ZNF653: variants seen among roughly 807,000 people sequenced by gnomAD.
The protein encoded by ZNF653 is 67 kDa zinc finger protein.
A neutral mutation model predicts 59.9 loss-of-function variants in ZNF653; 37 were observed. That is an observed-to-expected ratio of 0.62 (90% CI 0.48 to 0.81). ZNF653 has a LOEUF of 0.81. ZNF653 is among the 40% of genes least tolerant of loss of function. The pLI, the probability that ZNF653 is intolerant of heterozygous loss-of-function variation, is 0.00. For synonymous variants in ZNF653, 435 were observed against 371.8 expected (o/e 1.17, Z -1.96); for missense variants, 808 against 881.1 (o/e 0.92, Z 1.05).
At chr19:11,500,320 C>A (rs1405204610) in intron 1 of ZNF653, among the ~76,000 whole-genome samples, 1 of 152,134 alleles carries the variant, frequency 6.6e-6, no homozygotes, top group Admixed American at 6.6e-5. Flanking sequence ...CTGCAAAGCA[C>A]CACACTGGCT....
At chr19:11,491,277 A>G (rs1249241089) in intron 3 of ZNF653, among the ~76,000 whole-genome samples, 1 of 152,162 alleles carries the variant, frequency 6.6e-6, no homozygotes, top group African/African-American at 2.4e-5. Context: ...AGCCAATGGA[A>G]TGCAAGTGGA....
chr19:11,504,202 C>T (rs1971679377), intron 1 of ZNF653, among the ~76,000 whole-genome samples: 1 of 152,070 alleles, frequency 6.6e-6, no homozygotes, highest in African/African-American at 2.4e-5. Flanking sequence ...GAGATCGAGG[C>T]CATCCTGGCT....
intron 1 of ZNF653, among the ~76,000 whole-genome samples, chr19:11,503,289 A>T (rs1479741683): frequency 2.0e-5 from 3 of 152,178 alleles, no homozygotes; most frequent in African/African-American, 7.2e-5. Flanking sequence ...GTCCTGCCTC[A>T]GGACCTTTGC....
At position 11,495,982 on chromosome 19, in the gene ZNF653, G is replaced by C. The variant is rs377621177; in HGVS notation, c.527C>G (p.Pro176Arg). The change falls in exon 3 of 9, where the codon CCC (proline) becomes CGC (arginine). Residue 176 changes from proline (P) to arginine (R), a missense_variant. By Grantham distance (103) the Pro-to-Arg change is moderately radical. Transcript: ENST00000293771. This position sits in a 1 kb window ranked among gnomAD's most constrained non-coding sequence, Gnocchi z 4.9. Reference protein sequence around the residue: ...YFQDLHSPLKPLSDSDPDSDK... With the variant: ...YFQDLHSPLKRLSDSDPDSDK... Reference sequence around the variant, plus strand: ...ACTGTCAGGGTCTGAGTCGCTGAGGGGCTTCAGGGGCGAATGCAGGTCCTG... The same window carrying C: ...ACTGTCAGGGTCTGAGTCGCTGAGGCGCTTCAGGGGCGAATGCAGGTCCTG... 1.9e-6 allele frequency: 3 copies of C among 1,614,062 alleles called. No homozygotes were observed. In the African/African-American group the frequency reaches 4.0e-5, roughly 22 times the overall value.
chr19:11,496,731 G>A (rs1468865294), intron 2 of ZNF653, among the ~76,000 whole-genome samples: 3 of 152,238 alleles, frequency 2.0e-5, no homozygotes, highest in Non-Finnish European at 4.4e-5. Context: ...GGCCGGCATG[G>A]TGGTGTATGC....
intron 3 of ZNF653, among the ~76,000 whole-genome samples, chr19:11,490,718 C>T (rs1971521363): frequency 6.6e-6 from 1 of 152,072 alleles, no homozygotes; most frequent in Admixed American, 6.6e-5. Context: ...TTACTACAAC[C>T]ATCCATGGCC....
chr19:11,502,760 G>A (rs544595283), intron 1 of ZNF653, among the ~76,000 whole-genome samples: 62 of 152,212 alleles, frequency 4.1e-4, no homozygotes, highest in African/African-American at 6.3e-4. Context: ...CCCGCCGGGC[G>A]CAGTGGCTCA....
Position 11,487,873 on chromosome 19 carries a change from T to G in ZNF653, c.590A>C (p.Asp197Ala). Residue 197 changes from aspartate to alanine, a missense_variant, in exon 4 of 9, where the codon GAC becomes GCC. Coordinates refer to ENST00000293771, the MANE Select transcript of ZNF653 (RefSeq NM_138783.4). This position sits in a 1 kb window ranked among gnomAD's most constrained non-coding sequence, Gnocchi z 5.1. ...AGAGGCAGAGCCAGAGCTGGATGAG[T>G]CAGAGCTGCCAGCCACCAGCCCATT... ...VGNGLVAGSSDSSSSGSASDS... is the reference protein window; with the variant it reads ...VGNGLVAGSSASSSSGSASDS... 6.3e-7 allele frequency: 1 copy of G among 1,599,508 alleles called. No homozygotes were observed. The highest frequency in any genetic ancestry group is 8.5e-7 in the Non-Finnish European group (1 of 1,170,800).
rs1294078344 is a variant in ZNF653, at chr19:11,485,739, T to C, written c.1487A>G (p.Lys496Arg). 3 of 1,613,964 alleles carry C rather than the reference T, an allele frequency of 1.9e-6. No individual in the cohort carries two copies. Among genetic ancestry groups the C allele is most frequent in the South Asian group, 1.1e-5 (1 of 91,082 alleles). Residue 496 changes from lysine to arginine, a missense_variant, in exon 7 of 9, where the codon AAG becomes AGG. By Grantham distance (26) the Lys-to-Arg change is conservative (BLOSUM62 2). Transcript: ENST00000293771. ...NHVNLVHRKG[K>R]TKVCPHPGCG... ...GCCAGGATGAGGGCACACTTTGGTC[T>C]TTCCTTTCCGATGCACAAGATTGAC...
chr19:11,495,922 C>G lies in ZNF653; in HGVS notation c.559+28G>C, dbSNP rs554818864. 7 of 1,604,342 alleles carry G rather than the reference C, an allele frequency of 4.4e-6. No homozygotes were observed. The African/African-American group carries it at 5.3e-5, about 12-fold the overall frequency. ...AGAAGCCCCCAGAAATGGGCGGCCC[C>G]CTATGTGCCCTCGCCCTGCAGACCT... On this transcript the variant is annotated intron_variant, in intron 3 of 8. Coordinates refer to ENST00000293771, the MANE Select transcript of ZNF653 (RefSeq NM_138783.4). The surrounding 1 kb of genome is among the most constrained non-coding windows in gnomAD (Gnocchi z 4.9).
rs1208087133 is a variant in ZNF653, at chr19:11,488,637, A to C, written c.560-734T>G. Among the ~76,000 whole-genome samples, 8 of 150,458 alleles carry C rather than the reference A, an allele frequency of 5.3e-5. No homozygotes were observed. The Admixed American group carries it at 5.3e-4, about 10-fold the overall frequency. ...TTTTGAGATGGAGTCTCGCTCTGTC[A>C]CACAGGCTGGAGTGCAGTGGCGCAA... On this transcript the variant is annotated intron_variant, in intron 3 of 8. Transcript: ENST00000293771.
At position 11,496,109 on chromosome 19, in the gene ZNF653, T is replaced by G. The variant is rs1305174921; in HGVS notation, c.400A>C (p.Lys134Gln). Reference protein sequence around the residue: ...KNVVIWYEDHKHRCPYEPHLA... With the variant: ...KNVVIWYEDHQHRCPYEPHLA... ...TGCGGCTCGTACGGGCAGCGGTGCT[T>G]GTGGTCCTCGTACCAGATCACCACG... The change falls in exon 3 of 9, where the codon AAG becomes CAG. Residue 134 changes from lysine (K) to glutamine (Q), a missense_variant. Physicochemically the swap from Lys to Gln is moderately conservative, Grantham distance 53. Coordinates refer to ENST00000293771, the MANE Select transcript of ZNF653 (RefSeq NM_138783.4). The G allele has an allele frequency of 6.2e-7, 1 of 1,613,916 alleles. No homozygotes were observed. Among genetic ancestry groups the G allele is most frequent in the East Asian group, 2.2e-5 (1 of 44,890 alleles).
Position 11,487,615 on chromosome 19 carries a change from A to C in ZNF653, c.848T>G (p.Val283Gly). 1 of 1,613,834 alleles carries C rather than the reference A, an allele frequency of 6.2e-7. No individual in the cohort carries two copies. Among genetic ancestry groups the C allele is most frequent in the Non-Finnish European group, 8.5e-7 (1 of 1,179,952 alleles). ...GGCGCTGGGGCCCGCACCCACTTGCACAGGCACCGGCACGCACACCACTGT... is the reference window on the plus strand; with the variant it reads ...GGCGCTGGGGCCCGCACCCACTTGCCCAGGCACCGGCACGCACACCACTGT... ...LETVVCVPVP[V>G]QVGAGPSALF... The change falls in exon 4 of 9, where the codon GTG becomes GGG. Residue 283 changes from valine to glycine, a missense_variant. Physicochemically the swap from Val to Gly is moderately radical, Grantham distance 109. Transcript: ENST00000293771. This position sits in a 1 kb window ranked among gnomAD's most constrained non-coding sequence, Gnocchi z 5.1.
At chr19:11,498,576 TG>T (rs1255226700) in intron 1 of ZNF653, among the ~76,000 whole-genome samples, 1 of 151,980 alleles carries the variant, frequency 6.6e-6, no homozygotes, top group Non-Finnish European at 1.5e-5. Context: ...CTCAAGTAGC[TG>T]GGATTACAGG....
intron 1 of ZNF653, among the ~76,000 whole-genome samples, chr19:11,499,967 C>A (rs1971627240): frequency 6.6e-6 from 1 of 152,116 alleles, no homozygotes. Flanking sequence ...CATGGTACAG[C>A]CCTGTCACTT....
intron 6 of ZNF653, among the ~76,000 whole-genome samples, chr19:11,486,466 C>CA (rs1971466849): frequency 6.6e-6 from 1 of 152,244 alleles, no homozygotes; most frequent in African/African-American, 2.4e-5. Context: ...CTGGAACAGG[C>CA]AGCCCCAATT....
intron 1 of ZNF653, among the ~76,000 whole-genome samples, chr19:11,503,760 C>G (rs1333558729): frequency 6.6e-6 from 1 of 152,078 alleles, no homozygotes; most frequent in Non-Finnish European, 1.5e-5. Context: ...GAGCTATGAA[C>G]ATGCCACTGT....
Position 11,483,663 on chromosome 19 carries a change from C to A in ZNF653, c.*19G>T, listed in dbSNP as rs755330870. 8 of 1,603,154 alleles carry A rather than the reference C, an allele frequency of 5.0e-6. No homozygotes were observed. In the Admixed American group the frequency reaches 5.0e-5, roughly 10 times the overall value. On this transcript the variant is annotated 3_prime_UTR_variant, in exon 9 of 9. Coordinates refer to ENST00000293771, the MANE Select transcript of ZNF653 (RefSeq NM_138783.4). ...GTCCGAGCGGACGAATAAATAGGGG[C>A]GGTCAGTGGTCAGGTGGGTCAGGTG... is the stretch of plus-strand genomic sequence containing the variant.
rs1389007395 is a variant in ZNF653 at position 11,487,994 on chromosome 19, A to T, written c.560-91T>A. On this transcript the variant is annotated intron_variant, in intron 3 of 8. Coordinates refer to ENST00000293771, the MANE Select transcript of ZNF653 (RefSeq NM_138783.4). This position sits in a 1 kb window ranked among gnomAD's most constrained non-coding sequence, Gnocchi z 5.1. ...TTTATTTTATTTTATTTATTTATTT[A>T]TTTATTTTTTTGAGACAGAGTCTCA... 15 of 1,151,686 alleles carry T rather than the reference A, an allele frequency of 1.3e-5. No individual in the cohort carries two copies. The highest frequency in any genetic ancestry group is 3.3e-4 in the Middle Eastern group (1 of 3,008). 71.3% of individuals were successfully genotyped at this position (1,151,686 alleles called of 1,614,324 possible). A position where few individuals can be genotyped will look rare whatever the true frequency, so the allele number is the denominator to read the frequency against.
Sources: gnomAD v4.1 joint callset for allele counts (sites outside exome capture counted in the v4.1 genomes callset) on GRCh38, gnomAD v4.1.1 for gene constraint, Gnocchi (gnomAD v3.1) non-coding constraint, MANE v1.5 for transcripts, NCBI Gene and HGNC (gene_info 2026-07-23, HGNC 2026-07-21) for gene names.